The following NRXN3 variants were observed in gnomAD, a reference collection of about 807,000 sequenced individuals.
The protein encoded by NRXN3 is neurexin 3, also known as neurexin III.
Under a neutral mutation model 137.6 loss-of-function variants are expected in NRXN3, and 32 were observed. The ratio of observed to expected loss-of-function variants is 0.23; its 90% CI spans 0.18 to 0.31. The LOEUF (loss-of-function observed/expected upper bound fraction) is 0.31. Ranked by LOEUF, NRXN3 falls within the 10% of genes least tolerant of loss-of-function variation. The pLI, the probability that NRXN3 is intolerant of heterozygous loss-of-function variation, is 1.00. For missense variants in NRXN3, 1,574 were observed against 2,062.5 expected (o/e 0.76, Z 4.59); for synonymous variants, 798 against 784.5 (o/e 1.02, Z -0.29).
intron 4 of NRXN3, among the ~76,000 whole-genome samples, chr14:78,421,631 A>G (rs1320911646): frequency 1.3e-5 from 2 of 152,166 alleles, no homozygotes; most frequent in African/African-American, 4.8e-5. Flanking sequence ...AGAAACAGAC[A>G]AACATTTTTC....
chr14:78,985,543 A>C (rs1267295944), intron 14 of NRXN3, among the ~76,000 whole-genome samples: 3 of 152,226 alleles, frequency 2.0e-5, no homozygotes, highest in African/African-American at 7.2e-5. Flanking sequence ...CCTTAGAAAA[A>C]TGGTTAAAAT....
intron 15 of NRXN3, among the ~76,000 whole-genome samples, chr14:79,151,843 A>G (rs995817856): frequency 6.6e-6 from 1 of 152,014 alleles, no homozygotes; most frequent in Admixed American, 6.6e-5. Flanking sequence ...ATGCCACACT[A>G]ATTTTCTAAT....
At chr14:79,496,574 G>A (rs552467936) in intron 16 of NRXN3, among the ~76,000 whole-genome samples, 68 of 152,326 alleles carry the variant, frequency 4.5e-4, no homozygotes, top group African/African-American at 1.6e-3. Flanking sequence ...GTGAATAGGA[G>A]TCCCAATTAC....
At chr14:78,689,978 A>T (rs1241630410) in intron 6 of NRXN3, among the ~76,000 whole-genome samples, 1 of 151,900 alleles carries the variant, frequency 6.6e-6, no homozygotes, top group African/African-American at 2.4e-5. Context: ...CAGTGTCTTG[A>T]CATCTAACTA....
chr14:78,540,038 A>T (rs903542042), intron 4 of NRXN3, among the ~76,000 whole-genome samples: 2 of 152,170 alleles, frequency 1.3e-5, no homozygotes, highest in Non-Finnish European at 2.9e-5. Flanking sequence ...TATGTGGTCA[A>T]TTTTGGAATA....
intron 10 of NRXN3, among the ~76,000 whole-genome samples, chr14:78,901,177 C>A (rs2099194863): frequency 6.6e-6 from 1 of 151,976 alleles, no homozygotes; most frequent in African/African-American, 2.4e-5. Flanking sequence ...GCTCAGGTAA[C>A]CCTTGATGGG....
intron 15 of NRXN3, among the ~76,000 whole-genome samples, chr14:79,141,998 T>A (rs1005897977): frequency 6.6e-6 from 1 of 152,118 alleles, no homozygotes; most frequent in Non-Finnish European, 1.5e-5. Flanking sequence ...TAAGACCATA[T>A]GATGAAGTAC....
intron 10 of NRXN3, among the ~76,000 whole-genome samples, chr14:78,858,587 A>G (rs1438523945): frequency 6.6e-6 from 1 of 152,216 alleles, no homozygotes; most frequent in Non-Finnish European, 1.5e-5. Context: ...AGGGCAATCT[A>G]CTTCCTTTGG....
intron 17 of NRXN3, among the ~76,000 whole-genome samples, chr14:79,664,805 C>T (rs1003781972): frequency 6.6e-6 from 1 of 152,074 alleles, no homozygotes; most frequent in Admixed American, 6.6e-5. Context: ...GCCATTGTTC[C>T]ACAATTGCAC....
intron 15 of NRXN3, among the ~76,000 whole-genome samples, chr14:79,102,988 GT>G (rs2051637384): frequency 6.6e-6 from 1 of 152,192 alleles, no homozygotes; most frequent in South Asian, 2.1e-4. Context: ...GAGGTAAATA[GT>G]TGCATTACAT....
intron 15 of NRXN3, among the ~76,000 whole-genome samples, chr14:79,258,041 G>A (rs1373728195): frequency 5.3e-5 from 8 of 152,216 alleles, no homozygotes; most frequent in Non-Finnish European, 8.8e-5. Flanking sequence ...GAATTGATCT[G>A]TTTAAGTTAG....
intron 15 of NRXN3, among the ~76,000 whole-genome samples, chr14:79,364,340 A>C (rs761037721): frequency 6.6e-6 from 1 of 152,230 alleles, no homozygotes; most frequent in Non-Finnish European, 1.5e-5. Flanking sequence ...AGCCTTCATA[A>C]GGGTGATCCA....
At chr14:79,719,656 A>G (rs1296661333) in intron 19 of NRXN3, among the ~76,000 whole-genome samples, 2 of 152,076 alleles carry the variant, frequency 1.3e-5, no homozygotes, top group Admixed American at 6.6e-5. Context: ...CCAACCCTCC[A>G]GAGAAAATCG....
At chr14:79,829,649 ATG>A (rs748712702) in intron 20 of NRXN3, among the ~76,000 whole-genome samples, 16 of 152,126 alleles carry the variant, frequency 1.1e-4, no homozygotes, top group Non-Finnish European at 1.8e-4. Flanking sequence ...TAGTCCCTGA[ATG>A]TGTGTGTGTG....
chr14:78,498,369 T>C (rs767397728), intron 4 of NRXN3, among the ~76,000 whole-genome samples: 6 of 152,204 alleles, frequency 3.9e-5, no homozygotes, highest in Admixed American at 3.3e-4. Flanking sequence ...TTTGTATTTC[T>C]GCCTTTGTGC....
chr14:78,649,868 A>G (rs1007386828), intron 5 of NRXN3, among the ~76,000 whole-genome samples: 1 of 152,092 alleles, frequency 6.6e-6, no homozygotes, highest in Non-Finnish European at 1.5e-5. Flanking sequence ...CGTGGCCAAA[A>G]GGATATCCAC....
intron 15 of NRXN3, among the ~76,000 whole-genome samples, chr14:79,098,564 G>A (rs1206213512): frequency 6.6e-6 from 1 of 152,062 alleles, no homozygotes; most frequent in African/African-American, 2.4e-5. Flanking sequence ...TGCTGAGTTC[G>A]GCTAATTTAG....
At chr14:79,038,501 T>C (rs554923152) in intron 15 of NRXN3, among the ~76,000 whole-genome samples, 3 of 152,274 alleles carry the variant, frequency 2.0e-5, no homozygotes, top group Admixed American at 2.0e-4. Context: ...TTAGATTTCT[T>C]TGTAGGACCA....
chr14:79,274,252 A>G (rs2079909945), intron 15 of NRXN3, among the ~76,000 whole-genome samples: 1 of 152,132 alleles, frequency 6.6e-6, no homozygotes, highest in African/African-American at 2.4e-5. Flanking sequence ...AGGTGAGCCC[A>G]GTCTGTCTCT....
Sources: allele counts gnomAD v4.1 joint callset (sites outside exome capture counted in the v4.1 genomes callset), GRCh38; gene constraint gnomAD v4.1.1; transcripts MANE v1.5; gene names NCBI Gene and HGNC (gene_info 2026-07-23, HGNC 2026-07-21).